Variants in WNT3A observed in about 807,000 individuals in gnomAD.
WNT3A encodes protein Wnt-3a.
In WNT3A, 17 loss-of-function variants were observed where a neutral mutation model predicts 37.0. That is an observed-to-expected ratio of 0.46 (90% CI 0.31 to 0.69). The LOEUF is 0.69. WNT3A is among the 30% of genes least tolerant of loss of function. The pLI is 0.05. For synonymous variants in WNT3A, 187 were observed against 211.0 expected (o/e 0.89, Z 0.99); for missense variants, 411 against 510.2 (o/e 0.81, Z 1.87).
In WNT3A at chr1:228,059,309, G is replaced by A; in HGVS notation, c.903G>A (p.Ser301=). The change falls in exon 4 of 4, where the codon TCG becomes TCA. Residue 301 remains serine, a synonymous_variant. Coordinates refer to ENST00000284523, the MANE Select transcript of WNT3A (RefSeq NM_033131.4). ...GTRDRTCNVS[S]HGIDGCDLLC... ...GCGACCGCACCTGCAACGTCAGCTC[G>A]CACGGCATCGACGGCTGCGACCTGC... is the stretch of plus-strand genomic sequence containing the variant. The A allele has an allele frequency of 1.3e-6, 2 of 1,580,388 alleles. No homozygotes were observed.
chr1:228,022,553 A>G, intron 1 of WNT3A, 114 bp from the exon 2 acceptor site: 1 of 1,297,266 alleles, frequency 7.7e-7, no homozygotes, highest in Non-Finnish European at 1.0e-6. Context: ...TCATGGTGGA[A>G]GCTGCGTCTC....
intron 3 of WNT3A, among the ~76,000 whole-genome samples, chr1:228,053,958 T>C (rs910356624): frequency 6.6e-6 from 1 of 152,180 alleles, no homozygotes; most frequent in African/African-American, 2.4e-5. Flanking sequence ...CAGCCCCTGA[T>C]CCAAGAGAAG....
rs1298744297 is a variant in WNT3A, at chr1:228,038,858, G to T, written c.314-11798G>T. Among the ~76,000 whole-genome samples the T allele has an allele frequency of 1.3e-5, 2 of 152,216 alleles. No individual in the cohort carries two copies. Among genetic ancestry groups the T allele is most frequent in the African/African-American group, 2.4e-5 (1 of 41,452 alleles). ...CAGATCAGGCAGGGGGAAGGCCTGT[G>T]GGGTGGGGCATTTGCCCTGCAGACC... is the stretch of plus-strand genomic sequence containing the variant. On this transcript the variant is annotated intron_variant, in intron 2 of 3. Coordinates refer to ENST00000284523, the MANE Select transcript of WNT3A (RefSeq NM_033131.4). The surrounding 1 kb of genome is among the most constrained non-coding windows in gnomAD (Gnocchi z 5.7).
chr1:228,055,176 AAAAATATATATATAT>A (rs1190937760), intron 3 of WNT3A, among the ~76,000 whole-genome samples: 11 of 59,072 alleles, frequency 1.9e-4, no homozygotes, highest in African/African-American at 6.6e-4. Flanking sequence ...AAAAAAAAAA[AAAAATATATATATAT>A]ATATATATAT....
At chr1:228,013,717 G>C (rs2030445074) in intron 1 of WNT3A, among the ~76,000 whole-genome samples, 1 of 152,196 alleles carries the variant, frequency 6.6e-6, no homozygotes, top group Non-Finnish European at 1.5e-5. Flanking sequence ...TCCACCACTG[G>C]GTGTGAGAAG....
rs2031309301 is a variant in WNT3A at position 228,042,631 on chromosome 1, G to A, written c.314-8025G>A. 6.6e-6 allele frequency among the ~76,000 whole-genome samples: 1 copy of A among 152,060 alleles called. No individual in the cohort carries two copies. Among genetic ancestry groups the A allele is most frequent in the Non-Finnish European group, 1.5e-5 (1 of 68,002 alleles). On this transcript the variant is annotated intron_variant, in intron 2 of 3. Coordinates refer to ENST00000284523, the MANE Select transcript of WNT3A (RefSeq NM_033131.4). The surrounding 1 kb of genome is among the most constrained non-coding windows in gnomAD (Gnocchi z 5.2). Reference sequence around the variant, plus strand: ...CATGATGAATGGATAATGGGTGAATGGATGGATGAGTGGTGGTAGATGGTG... The same window carrying A: ...CATGATGAATGGATAATGGGTGAATAGATGGATGAGTGGTGGTAGATGGTG...
At chr1:228,029,744 C>T (rs541678732) in intron 2 of WNT3A, among the ~76,000 whole-genome samples, 1 of 151,100 alleles carries the variant, frequency 6.6e-6, no homozygotes, top group Non-Finnish European at 1.5e-5. Flanking sequence ...GTGCCCACCC[C>T]CCCCCCAATT....
intron 2 of WNT3A, among the ~76,000 whole-genome samples, chr1:228,034,467 G>A (rs1261002670): frequency 6.6e-6 from 1 of 151,738 alleles, no homozygotes. Context: ...TTCCTTAATT[G>A]CCCTGGCCAG....
chr1:228,036,859 A>T (rs2031155718), intron 2 of WNT3A, among the ~76,000 whole-genome samples: 1 of 152,216 alleles, frequency 6.6e-6, no homozygotes, highest in African/African-American at 2.4e-5. Context: ...CTCAGGCAGC[A>T]CGTGGCTCTG....
At chr1:228,032,097 C>T (rs1012387669) in intron 2 of WNT3A, among the ~76,000 whole-genome samples, 15 of 152,192 alleles carry the variant, frequency 9.9e-5, no homozygotes, top group African/African-American at 3.6e-4. Context: ...CAGGGTGTCT[C>T]TCACTTGTGG....
At chr1:228,046,237 A>G (rs1033880426) in intron 2 of WNT3A, among the ~76,000 whole-genome samples, 1 of 152,214 alleles carries the variant, frequency 6.6e-6, no homozygotes, top group Non-Finnish European at 1.5e-5. Context: ...CAGCCTGCAG[A>G]TAGTGTGTTG....
rs879266966 is a variant in WNT3A at position 228,059,927 on chromosome 1, G to C, written c.*462G>C. ...GAGGCGGGGCTCTAGGATGGGGCAC[G>C]GCTCTGGGGTAGGCTGCTCCCTGAG... On this transcript the variant is annotated 3_prime_UTR_variant, in exon 4 of 4. Transcript: ENST00000284523. 1.8e-4 allele frequency: 195 copies of C among 1,057,966 alleles called. No homozygotes were observed. Among genetic ancestry groups the C allele is most frequent in the Admixed American group, 3.0e-4 (6 of 19,952 alleles). 65.5% of individuals were successfully genotyped at this position (1,057,966 alleles called of 1,614,324 possible).
At chr1:228,048,194 CCTT>C (rs2031468033) in intron 2 of WNT3A, among the ~76,000 whole-genome samples, 1 of 152,218 alleles carries the variant, frequency 6.6e-6, no homozygotes, top group Non-Finnish European at 1.5e-5. Flanking sequence ...CCTCAGGCCT[CCTT>C]CTATCCCCAT....
chr1:228,040,293 A>G (rs1413394828), intron 2 of WNT3A, among the ~76,000 whole-genome samples: 1 of 152,136 alleles, frequency 6.6e-6, no homozygotes, highest in Non-Finnish European at 1.5e-5. Flanking sequence ...TTCTCTCATT[A>G]GTTAATACAA....
At chr1:228,012,404 C>T (rs1290402977) in intron 1 of WNT3A, among the ~76,000 whole-genome samples, 12 of 152,298 alleles carry the variant, frequency 7.9e-5, no homozygotes, top group Middle Eastern at 6.8e-3. Flanking sequence ...AGCGGTTTGA[C>T]GGTGCTGCAA....
rs1165693141 is a variant in WNT3A at position 228,059,135 on chromosome 1, G to A, written c.729G>A (p.Val243=). The part of the protein sequence containing the change: ...DKYDSASEMV[V]EKHRESRGWV... ...ACGACAGCGCCTCGGAGATGGTGGT[G>A]GAGAAGCACCGGGAGTCCCGCGGCT... The change falls in exon 4 of 4, where the codon GTG becomes GTA. Residue 243 remains valine (V), a synonymous_variant. Coordinates refer to ENST00000284523, the MANE Select transcript of WNT3A (RefSeq NM_033131.4). 4 of 1,613,576 alleles carry A rather than the reference G, an allele frequency of 2.5e-6. No individual in the cohort carries two copies. Among genetic ancestry groups the A allele is most frequent in the Non-Finnish European group, 3.4e-6 (4 of 1,180,000 alleles).
chr1:228,028,917 A>C (rs2030922728), intron 2 of WNT3A, among the ~76,000 whole-genome samples: 6 of 152,034 alleles, frequency 3.9e-5, no homozygotes, highest in Admixed American at 3.9e-4. Flanking sequence ...TCAATTAGCC[A>C]CTGCTCTCTC....
intron 1 of WNT3A, among the ~76,000 whole-genome samples, chr1:228,019,332 G>A (rs1241266087): frequency 1.3e-5 from 2 of 152,202 alleles, no homozygotes; most frequent in African/African-American, 2.4e-5. Flanking sequence ...ATCTAGCCTC[G>A]GAGAAGGGAT....
Position 228,060,261 on chromosome 1 carries a change from T to C in WNT3A, c.*796T>C. 7.4e-7 allele frequency: 1 copy of C among 1,351,606 alleles called. No homozygotes were observed. Among genetic ancestry groups the C allele is most frequent in the South Asian group, 1.1e-5 (1 of 88,048 alleles). The allele number at this position is 1,351,606 out of a possible 1,614,324, so 83.7% of individuals were successfully genotyped here. A position where few individuals can be genotyped will look rare whatever the true frequency, so the allele number is the denominator to read the frequency against. ...CAGCCACCTCATCCCCAACCCCCTG[T>C]AAGGTTCCATCCACCCCTGCGTCGA... is the stretch of plus-strand genomic sequence containing the variant. On this transcript the variant is annotated 3_prime_UTR_variant, in exon 4 of 4. Coordinates refer to ENST00000284523, the MANE Select transcript of WNT3A (RefSeq NM_033131.4).
Sources: allele counts gnomAD v4.1 joint callset (sites outside exome capture counted in the v4.1 genomes callset), GRCh38; gene constraint gnomAD v4.1.1; non-coding constraint Gnocchi (gnomAD v3.1); transcripts MANE v1.5; gene names NCBI Gene and HGNC (gene_info 2026-07-23, HGNC 2026-07-21).